Variants in SMIM43 observed in about 807,000 individuals in gnomAD.
The protein encoded by SMIM43 is Nodal Enhanced MEsendoderm Peptide.
rs1368861203 is a variant in SMIM43 at position 121,764,799 on chromosome 4, A to AGCC, written c.*97+15_*97+17dup. The AGCC allele has an allele frequency of 1.3e-5, 5 of 395,248 alleles. No individual in the cohort carries two copies. The highest frequency in any genetic ancestry group is 2.2e-5 in the Non-Finnish European group (5 of 224,512). 24.5% of individuals were successfully genotyped at this position (395,248 alleles called of 1,614,324 possible). A position where few individuals can be genotyped will look rare whatever the true frequency, so the allele number is the denominator to read the frequency against. ...CCTCACGCCGGAACGGACCCGTCAG[A>AGCC]GCCGCCGAGCCCCGCACCTGGAAGC... On this transcript the variant is annotated intron_variant, in intron 1 of 5. Coordinates refer to ENST00000643802, the MANE Select transcript of SMIM43 (RefSeq NM_001384332.1).
intron 3 of SMIM43, among the ~76,000 whole-genome samples, chr4:121,762,347 T>C (rs1726116892): frequency 6.6e-6 from 1 of 152,026 alleles, no homozygotes; most frequent in African/African-American, 2.4e-5. Flanking sequence ...CTATGTCAGG[T>C]CTTGGAAAAA....
chr4:121,761,685 A>T lies in SMIM43; in HGVS notation c.*352T>A. Reference sequence around the variant, plus strand: ...ACCAGATGGCATCAGTTCTGCATCTACAGCTGTGCCCTAAAATTGAAGTTC... The same window carrying T: ...ACCAGATGGCATCAGTTCTGCATCTTCAGCTGTGCCCTAAAATTGAAGTTC... On this transcript the variant is annotated 3_prime_UTR_variant, in exon 5 of 6. Transcript: ENST00000643802. The T allele has an allele frequency of 6.2e-7, 1 of 1,611,558 alleles. No homozygotes were observed. The highest frequency in any genetic ancestry group is 1.1e-5 in the South Asian group (1 of 90,034).
In SMIM43 at chr4:121,765,024, CCACGAAGAG is replaced by C; in HGVS notation, c.73_81del (p.Leu25_Val27del). The stretch of plus-strand genomic sequence containing the variant: ...ACGGAGTTCTTCAGCTGCTTGATGA[CCACGAAGAG>C]CAGGAGGAAAAGTAAGAAGAGCAGG... On this transcript the variant is annotated inframe_deletion, in exon 1 of 6. Transcript: ENST00000643802. 2.5e-6 allele frequency: 1 copy of C among 398,756 alleles called. No homozygotes were observed. The highest frequency in any genetic ancestry group is 4.4e-6 in the Non-Finnish European group (1 of 225,866). 24.7% of individuals were successfully genotyped at this position (398,756 alleles called of 1,614,324 possible). A position where few individuals can be genotyped will look rare whatever the true frequency, so the allele number is the denominator to read the frequency against.
At chr4:121,764,398 ATACTT>A (rs1489092532) in intron 1 of SMIM43, 1 of 152,270 alleles carries the variant, frequency 6.6e-6, no homozygotes, top group Admixed American at 6.5e-5. Flanking sequence ...AATATTTAAA[ATACTT>A]TAAGTGCGCC....
In SMIM43 at chr4:121,764,865, C is replaced by T; in HGVS notation, c.*49G>A. On this transcript the variant is annotated 3_prime_UTR_variant, in exon 1 of 6. Transcript: ENST00000643802. ...ACGGAGAATCGAGGCGGAGACCCAG[C>T]CCAGCGCCCGCGCAGCTCGGTGCCC... 2 of 397,876 alleles carry T rather than the reference C, an allele frequency of 5.0e-6. No individual in the cohort carries two copies. The highest frequency in any genetic ancestry group is 8.9e-6 in the Non-Finnish European group (2 of 225,550). 24.6% of individuals were successfully genotyped at this position (397,876 alleles called of 1,614,324 possible).
intron 2 of SMIM43, among the ~76,000 whole-genome samples, chr4:121,763,360 G>T (rs1327412125): frequency 6.6e-6 from 1 of 152,060 alleles, no homozygotes; most frequent in African/African-American, 2.4e-5. Flanking sequence ...TCTAAAATTA[G>T]TATTTTCAAT....
intron 3 of SMIM43, among the ~76,000 whole-genome samples, chr4:121,762,231 T>C (rs1373920149): frequency 6.6e-6 from 1 of 152,150 alleles, no homozygotes; most frequent in African/African-American, 2.4e-5. Flanking sequence ...TGTAGAAGCC[T>C]GCAACCTAGA....
chr4:121,761,918 T>G (rs377326354), intron 3 of SMIM43, 26 bp from the exon 4 acceptor site: 1 of 1,543,782 alleles, frequency 6.5e-7, no homozygotes, highest in Non-Finnish European at 8.9e-7. Flanking sequence ...AATGATGAAA[T>G]AATAACATTT....
chr4:121,759,090 G>T lies in SMIM43; in HGVS notation c.*1884C>A, dbSNP rs774704225. ...TGCACAAGAGAACAAAATAATCTCTGCTGAGTCACTCTGACTAGGAACACA... is the reference window on the plus strand; with the variant it reads ...TGCACAAGAGAACAAAATAATCTCTTCTGAGTCACTCTGACTAGGAACACA... On this transcript the variant is annotated 3_prime_UTR_variant, in exon 6 of 6. Transcript: ENST00000643802. 5.9e-5 allele frequency: 9 copies of T among 152,168 alleles called. No individual in the cohort carries two copies. Among genetic ancestry groups the T allele is most frequent in the Non-Finnish European group, 1.2e-4 (8 of 68,026 alleles). The allele number at this position is 152,168 out of a possible 1,614,324, so 9.4% of individuals were successfully genotyped here. A position where few individuals can be genotyped will look rare whatever the true frequency, so the allele number is the denominator to read the frequency against.
chr4:121,764,302 C>T (rs1318658704), intron 1 of SMIM43: 1 of 152,150 alleles, frequency 6.6e-6, no homozygotes, highest in African/African-American at 2.4e-5. Flanking sequence ...AAATGGACGA[C>T]TGAATCTTCT....
At chr4:121,763,721 C>CATA (rs1560610591) in intron 2 of SMIM43, 43 bp downstream of exon 2, 1 of 152,140 alleles carries the variant, frequency 6.6e-6, no homozygotes, top group Non-Finnish European at 1.5e-5. Flanking sequence ...GAAGTTTAGT[C>CATA]ATAACTAAGG....
At chr4:121,761,228 T>C (rs1726045002) in intron 5 of SMIM43, among the ~76,000 whole-genome samples, 1 of 152,222 alleles carries the variant, frequency 6.6e-6, no homozygotes, top group Non-Finnish European at 1.5e-5. Context: ...AGAGTTTTAA[T>C]TGTGGATTTA....
intron 2 of SMIM43, among the ~76,000 whole-genome samples, 192 bp downstream of exon 2, chr4:121,763,572 T>A (rs2110528066): frequency 6.6e-6 from 1 of 152,292 alleles, no homozygotes; most frequent in Non-Finnish European, 1.5e-5. Context: ...AGACACTGAT[T>A]CTTGCAATGA....
intron 5 of SMIM43, among the ~76,000 whole-genome samples, chr4:121,760,844 C>T (rs1300713137): frequency 9.3e-5 from 14 of 151,122 alleles, no homozygotes; most frequent in Non-Finnish European, 2.9e-5. Context: ...TCTATACAGA[C>T]CAAGAATGGC....
At chr4:121,765,239 G>C (rs908284227), upstream of SMIM43, 28 of 380,404 alleles carry the variant, frequency 7.4e-5, no homozygotes, top group Admixed American at 1.8e-4. Flanking sequence ...CGCCGACTCC[G>C]GGGTCCGTGC....
intron 2 of SMIM43, among the ~76,000 whole-genome samples, chr4:121,763,181 G>A (rs1726160479): frequency 6.6e-6 from 1 of 152,164 alleles, no homozygotes; most frequent in African/African-American, 2.4e-5. Flanking sequence ...TTTGGGGAGA[G>A]TGAAATAGAA....
In SMIM43 at chr4:121,761,566, G is replaced by T. The variant is rs200399583; in HGVS notation, c.*471C>A. 6.2e-7 allele frequency: 1 copy of T among 1,609,536 alleles called. No homozygotes were observed. The highest frequency in any genetic ancestry group is 8.5e-7 in the Non-Finnish European group (1 of 1,178,144). On this transcript the variant is annotated 3_prime_UTR_variant, in exon 5 of 6. Coordinates refer to ENST00000643802, the MANE Select transcript of SMIM43 (RefSeq NM_001384332.1). Reference sequence around the variant, plus strand: ...GTTCCAAGTTTCCACCCCTGCAAGCGAACCAAAAACAAATCCTGGCACCTT... The same window carrying T: ...GTTCCAAGTTTCCACCCCTGCAAGCTAACCAAAAACAAATCCTGGCACCTT...
chr4:121,760,453 G>A lies in SMIM43; in HGVS notation c.*521C>T, dbSNP rs1172631369. On this transcript the variant is annotated 3_prime_UTR_variant, in exon 6 of 6. Transcript: ENST00000643802. ...GGCTTCCTCCTTCTTCTTGTGGGGT[G>A]CTGCGGGGACCATCTTGGAACCTGG... 1.9e-5 allele frequency: 30 copies of A among 1,550,838 alleles called. No individual in the cohort carries two copies. Among genetic ancestry groups the A allele is most frequent in the Non-Finnish European group, 2.4e-5 (28 of 1,147,020 alleles).
chr4:121,762,956 T>C (rs991036258), intron 2 of SMIM43, among the ~76,000 whole-genome samples, 158 bp from the exon 3 acceptor site: 1 of 152,264 alleles, frequency 6.6e-6, no homozygotes, highest in Non-Finnish European at 1.5e-5. Flanking sequence ...AATGTCCATA[T>C]TAACCATACA....
Sources: gnomAD v4.1 joint callset for allele counts (sites outside exome capture counted in the v4.1 genomes callset) on GRCh38, gnomAD v4.1.1 for gene constraint, MANE v1.5 for transcripts, NCBI Gene and HGNC (gene_info 2026-07-23, HGNC 2026-07-21) for gene names.